TOP6BL: variants seen among roughly 807,000 people sequenced by gnomAD.
The protein encoded by TOP6BL is TOP6B like initiator of meiotic double strand breaks.
chr11:66,816,266 G>A, the TOP6BL span: 4 of 1,470,316 alleles, frequency 2.7e-6, no homozygotes, highest in South Asian at 2.7e-5. Context: ...GAAACTTTGT[G>A]TAATGCACAC....
the TOP6BL span, chr11:66,843,023 G>A: frequency 1.3e-6 from 2 of 1,554,260 alleles, no homozygotes; most frequent in Admixed American, 3.9e-5. Flanking sequence ...GAGGCTCACG[G>A]CAGGGCCCTG....
the TOP6BL span, chr11:66,748,447 G>A: frequency 1.3e-6 from 2 of 1,548,140 alleles, no homozygotes; most frequent in Admixed American, 3.9e-5. Flanking sequence ...TGCTAGAAGG[G>A]CAGCTAGTGA....
the TOP6BL span, among the ~76,000 whole-genome samples, chr11:66,769,739 T>G: frequency 6.6e-6 from 1 of 151,574 alleles, no homozygotes; most frequent in Non-Finnish European, 1.5e-5. Flanking sequence ...TATTTACTTA[T>G]TTTTTAATTT....
the TOP6BL span, among the ~76,000 whole-genome samples, chr11:66,819,937 A>G: frequency 6.8e-6 from 1 of 147,752 alleles, no homozygotes; most frequent in Non-Finnish European, 1.5e-5. Flanking sequence ...TTGGCCAGGC[A>G]TGGTGGTGGT....
At chr11:66,832,526 A>G in the TOP6BL span, among the ~76,000 whole-genome samples, 1 of 152,216 alleles carries the variant, frequency 6.6e-6, no homozygotes, top group Non-Finnish European at 1.5e-5. Flanking sequence ...GGATCAAAGC[A>G]TCTTATGGAC....
chr11:66,762,712 G>T, the TOP6BL span, among the ~76,000 whole-genome samples: 4 of 152,090 alleles, frequency 2.6e-5, no homozygotes, highest in Admixed American at 6.6e-5. Context: ...CTCGTGATCC[G>T]CCTGCCTCGG....
chr11:66,803,613 T>C, the TOP6BL span, among the ~76,000 whole-genome samples: 1 of 152,118 alleles, frequency 6.6e-6, no homozygotes, highest in Non-Finnish European at 1.5e-5. Context: ...TTAGTAGAGA[T>C]GGAGTTTCAC....
chr11:66,747,384 T>C, the TOP6BL span, among the ~76,000 whole-genome samples: 2 of 152,112 alleles, frequency 1.3e-5, no homozygotes, highest in South Asian at 2.1e-4. Flanking sequence ...TTTGCACATA[T>C]TTTTATTTAA....
At chr11:66,747,478 T>A in the TOP6BL span, among the ~76,000 whole-genome samples, 1 of 152,104 alleles carries the variant, frequency 6.6e-6, no homozygotes, top group Non-Finnish European at 1.5e-5. Flanking sequence ...CCCAAAGTGC[T>A]GGGATTACAG....
At chr11:66,843,510 C>A in the TOP6BL span, 1 of 1,493,316 alleles carries the variant, frequency 6.7e-7, no homozygotes, top group South Asian at 1.3e-5. Context: ...GCGGCCGGAG[C>A]GGCCGCCCGA....
chr11:66,813,855 G>A, the TOP6BL span: 1 of 1,612,336 alleles, frequency 6.2e-7, no homozygotes, highest in Non-Finnish European at 8.5e-7. Context: ...GTTTTCTTTA[G>A]CAACTACACA....
At chr11:66,825,489 C>T in the TOP6BL span, among the ~76,000 whole-genome samples, 1 of 141,060 alleles carries the variant, frequency 7.1e-6, no homozygotes, top group Non-Finnish European at 1.6e-5. Context: ...GAAACTCTGT[C>T]CCAACCAAAA....
the TOP6BL span, among the ~76,000 whole-genome samples, chr11:66,814,228 T>C: frequency 2.0e-5 from 3 of 152,096 alleles, no homozygotes; most frequent in Non-Finnish European, 1.5e-5. Context: ...GAGCTTGTTT[T>C]GGCATTGCAT....
At chr11:66,793,436 C>CTTTTTTTT in the TOP6BL span, among the ~76,000 whole-genome samples, 1 of 121,166 alleles carries the variant, frequency 8.3e-6, no homozygotes, top group Non-Finnish European at 1.8e-5. Flanking sequence ...ATAATTTTTT[C>CTTTTTTTT]TTTTTTTGTT....
chr11:66,763,355 G>GCA, the TOP6BL span, among the ~76,000 whole-genome samples: 1 of 152,042 alleles, frequency 6.6e-6, no homozygotes, highest in Non-Finnish European at 1.5e-5. Context: ...TTTGCTCTGT[G>GCA]ACCCTAATTT....
At chr11:66,827,170 C>T in the TOP6BL span, among the ~76,000 whole-genome samples, 2 of 151,890 alleles carry the variant, frequency 1.3e-5, no homozygotes, top group Admixed American at 6.6e-5. Flanking sequence ...CCTGCCTCAC[C>T]CTCCCAAGTA....
chr11:66,793,467 A>G, the TOP6BL span, among the ~76,000 whole-genome samples: 1 of 116,564 alleles, frequency 8.6e-6, no homozygotes, highest in Non-Finnish European at 1.8e-5. Context: ...TTTTTTTTAG[A>G]CAGAGTCTTT....
the TOP6BL span, among the ~76,000 whole-genome samples, chr11:66,802,664 A>G: frequency 6.6e-6 from 1 of 152,116 alleles, no homozygotes; most frequent in South Asian, 2.1e-4. Context: ...CTAGTAGTCA[A>G]AGTCTCTTAA....
chr11:66,790,812 AT>A, the TOP6BL span, among the ~76,000 whole-genome samples: 1 of 152,184 alleles, frequency 6.6e-6, no homozygotes, highest in South Asian at 2.1e-4. Context: ...AGACTAAGTT[AT>A]TGCTTAGGCT....
Sources: allele counts gnomAD v4.1 joint callset (sites outside exome capture counted in the v4.1 genomes callset), GRCh38; gene constraint gnomAD v4.1.1; transcripts MANE v1.5; gene names NCBI Gene and HGNC (gene_info 2026-07-23, HGNC 2026-07-21).